Variants in PTGER3 observed in about 807,000 individuals in gnomAD.
PTGER3 encodes prostaglandin E2 receptor EP3 subtype.
Under a neutral mutation model 34.7 loss-of-function variants are expected in PTGER3, and 22 were observed. That is an observed-to-expected ratio of 0.63 (90% CI 0.45 to 0.91). The LOEUF is 0.91. Ranked by LOEUF, PTGER3 falls within the 40% of genes least tolerant of loss-of-function variation. The pLI is 0.00. For missense variants in PTGER3, 468 were observed against 519.4 expected, an observed-to-expected ratio of 0.90 and a Z score of 0.96; for synonymous variants, 241 against 230.1, an observed-to-expected ratio of 1.05 and a Z score of -0.43.
intron 4 of PTGER3, among the ~76,000 whole-genome samples, chr1:70,877,613 G>T (rs1354637989): frequency 6.6e-6 from 1 of 152,010 alleles, no homozygotes; most frequent in Non-Finnish European, 1.5e-5. Context: ...CTTTTATTTT[G>T]AAATATGTTC....
intron 4 of PTGER3, among the ~76,000 whole-genome samples, chr1:70,909,895 A>T (rs909088086): frequency 6.6e-6 from 1 of 152,222 alleles, no homozygotes; most frequent in Non-Finnish European, 1.5e-5. Context: ...GAAAGAACTG[A>T]TTTGAAATGC....
At chr1:70,918,862 C>T (rs1647280126) in intron 4 of PTGER3, among the ~76,000 whole-genome samples, 1 of 151,950 alleles carries the variant, frequency 6.6e-6, no homozygotes, top group African/African-American at 2.4e-5. Context: ...ATACTAGATA[C>T]ATGGTATATA....
At chr1:70,984,469 C>A (rs992258375) in intron 2 of PTGER3, among the ~76,000 whole-genome samples, 2 of 151,752 alleles carry the variant, frequency 1.3e-5, no homozygotes, top group African/African-American at 4.8e-5. Flanking sequence ...ATAAGGGTAA[C>A]TCTGCAAGGC....
chr1:70,882,341 G>T (rs565861403), intron 4 of PTGER3, among the ~76,000 whole-genome samples: 1 of 152,274 alleles, frequency 6.6e-6, no homozygotes, highest in Non-Finnish European at 1.5e-5. Flanking sequence ...AACAGGCATT[G>T]TCCACCTGGT....
chr1:70,888,430 C>T (rs1022313447), intron 4 of PTGER3, among the ~76,000 whole-genome samples: 1 of 152,054 alleles, frequency 6.6e-6, no homozygotes, highest in African/African-American at 2.4e-5. Flanking sequence ...TGTTTTGATA[C>T]ACATTTGCAT....
In PTGER3 at chr1:71,026,092, G is replaced by T. The variant is rs141959540; in HGVS notation, c.898-13608C>A. ...AGCACTTGCAAAATTCCCTCCCCAG[G>T]TTAGGCTTGTACTCAGTATTGGCAT... On this transcript the variant is annotated intron_variant, in intron 1 of 3. Coordinates refer to ENST00000306666, the MANE Select transcript of PTGER3 (RefSeq NM_198719.2). 4.6e-5 allele frequency among the ~76,000 whole-genome samples: 7 copies of T among 152,140 alleles called. No individual in the cohort carries two copies. The East Asian group carries it at 1.4e-3, about 29-fold the overall frequency.
intron 4 of PTGER3, among the ~76,000 whole-genome samples, chr1:70,925,322 A>G (rs1293580368): frequency 1.3e-5 from 2 of 152,190 alleles, no homozygotes; most frequent in Non-Finnish European, 2.9e-5. Flanking sequence ...CACTCTTAAT[A>G]TAACTTTAAT....
In PTGER3 at chr1:71,041,476, A is replaced by G. The variant is rs143231826; in HGVS notation, c.897+5205T>C. Reference sequence around the variant, plus strand: ...CACACCATCATGAAGTTGAAAAAGCATAGGTCAGAGACTGTCTTTACTATG... The same window carrying G: ...CACACCATCATGAAGTTGAAAAAGCGTAGGTCAGAGACTGTCTTTACTATG... On this transcript the variant is annotated intron_variant, in intron 1 of 3. Transcript: ENST00000306666. 2.5e-3 allele frequency among the ~76,000 whole-genome samples: 383 copies of G among 152,346 alleles called. 1 individual carries two copies. The highest frequency in any genetic ancestry group is 8.7e-3 in the African/African-American group (363 of 41,586).
chr1:70,932,491 G>A (rs574963852), intron 4 of PTGER3, among the ~76,000 whole-genome samples: 4 of 152,094 alleles, frequency 2.6e-5, no homozygotes, highest in African/African-American at 9.7e-5. Flanking sequence ...GGCTTAATTG[G>A]ATTTACAGTG....
At chr1:70,891,345 C>T (rs1398524821) in intron 4 of PTGER3, among the ~76,000 whole-genome samples, 1 of 152,118 alleles carries the variant, frequency 6.6e-6, no homozygotes, top group Admixed American at 6.5e-5. Context: ...TTGGTGTAAA[C>T]ACACCCACTC....
At chr1:70,979,692 G>T (rs1654068613) in intron 2 of PTGER3, among the ~76,000 whole-genome samples, 1 of 152,016 alleles carries the variant, frequency 6.6e-6, no homozygotes, top group Non-Finnish European at 1.5e-5. Flanking sequence ...GGGCAGGCTG[G>T]GGACCGTCCT....
chr1:70,989,609 C>T (rs1014442415), intron 2 of PTGER3, among the ~76,000 whole-genome samples: 33 of 152,098 alleles, frequency 2.2e-4, no homozygotes, highest in Non-Finnish European at 5.9e-5. Flanking sequence ...TTGAAACTAG[C>T]TGAGAAGCAC....
At chr1:70,907,516 C>A (rs1646973825) in intron 4 of PTGER3, among the ~76,000 whole-genome samples, 1 of 152,210 alleles carries the variant, frequency 6.6e-6, no homozygotes, top group South Asian at 2.1e-4. Context: ...GAAATTGAGC[C>A]TGCTCATGGC....
intron 1 of PTGER3, among the ~76,000 whole-genome samples, chr1:71,028,254 T>C (rs532511766): frequency 6.6e-6 from 1 of 152,298 alleles, no homozygotes; most frequent in East Asian, 1.9e-4. Context: ...GAGAAAGTCA[T>C]AGAAAAACAC....
intron 4 of PTGER3, chr1:70,947,283 G>A (rs1650308450): frequency 6.6e-6 from 1 of 152,120 alleles, no homozygotes; most frequent in African/African-American, 2.4e-5. Flanking sequence ...GGGACCCAGT[G>A]GGAGGTAAAT....
chr1:70,878,618 T>C (rs1331953472), intron 4 of PTGER3, among the ~76,000 whole-genome samples: 2 of 152,176 alleles, frequency 1.3e-5, no homozygotes, highest in South Asian at 2.1e-4. Flanking sequence ...TGCCATAAAC[T>C]TCCCCCTTAA....
chr1:71,025,923 G>A (rs2817861), intron 1 of PTGER3, among the ~76,000 whole-genome samples: 2,449 of 152,282 alleles, frequency 0.016, 79 homozygotes, highest in African/African-American at 0.057. Context: ...ATGTTAAAGC[G>A]AAAGCAATGC....
intron 4 of PTGER3, among the ~76,000 whole-genome samples, chr1:70,887,545 A>G (rs1391645409): frequency 6.6e-6 from 1 of 152,156 alleles, no homozygotes; most frequent in Non-Finnish European, 1.5e-5. Context: ...TGGCATGGGA[A>G]ATAACTGAAA....
chr1:70,911,279 T>G (rs1248705348), intron 4 of PTGER3, among the ~76,000 whole-genome samples: 1 of 151,222 alleles, frequency 6.6e-6, no homozygotes, highest in Non-Finnish European at 1.5e-5. Flanking sequence ...CTGTCAGACT[T>G]TTTTTTGTAC....
Sources: gnomAD v4.1 joint callset for allele counts (sites outside exome capture counted in the v4.1 genomes callset) on GRCh38, gnomAD v4.1.1 for gene constraint, MANE v1.5 for transcripts, NCBI Gene and HGNC (gene_info 2026-07-23, HGNC 2026-07-21) for gene names.